PLSCR4: variants seen among roughly 807,000 people sequenced by gnomAD.
The protein encoded by PLSCR4 is phospholipid scramblase 4.
PLSCR4 carries 25 observed loss-of-function variants against 36.3 expected under a neutral mutation model. The observed-to-expected ratio is 0.69, with a 90% CI of 0.50 to 0.96. The LOEUF (loss-of-function observed/expected upper bound fraction) is 0.96, where lower values mean the gene tolerates loss of function less well. PLSCR4 is among the 40% of genes least tolerant of loss of function. The probability of loss-of-function intolerance (pLI) is 0.00; values close to 1 mark genes in which losing one functional copy is unlikely to be tolerated. For synonymous variants in PLSCR4, 122 were observed against 132.9 expected, an observed-to-expected ratio of 0.92 and a Z score of 0.56; for missense variants, 408 against 414.7, an observed-to-expected ratio of 0.98 and a Z score of 0.14.
chr3:146,206,520 GA>G lies in PLSCR4; in HGVS notation c.354+5del. ...TAAGAAAATAATTTGTATTTTCATG[GA>G]GTACCTGAACTAAGTATTCCAGACC... is the stretch of plus-strand genomic sequence containing the variant. On this transcript the variant is annotated splice_donor_5th_base_variant and intron_variant, in intron 4 of 8. Coordinates refer to ENST00000354952, the MANE Select transcript of PLSCR4 (RefSeq NM_020353.3). The G allele has an allele frequency of 6.4e-7, 1 of 1,574,532 alleles. No homozygotes were observed. Among genetic ancestry groups the G allele is most frequent in the African/African-American group, 1.3e-5 (1 of 74,124 alleles).
intron 3 of PLSCR4, among the ~76,000 whole-genome samples, chr3:146,219,950 A>C (rs1295976607): frequency 6.6e-6 from 1 of 151,810 alleles, no homozygotes; most frequent in Non-Finnish European, 1.5e-5. Flanking sequence ...CAAAAAAAAA[A>C]CTTTTGCCAT....
chr3:146,204,691 A>G (rs1402442679), intron 4 of PLSCR4, among the ~76,000 whole-genome samples: 2 of 152,034 alleles, frequency 1.3e-5, no homozygotes, highest in Non-Finnish European at 2.9e-5. Flanking sequence ...AAATTAAGAA[A>G]CAAGTTTTTA....
At chr3:146,210,156 GT>G (rs1293562105) in intron 3 of PLSCR4, among the ~76,000 whole-genome samples, 2 of 151,870 alleles carry the variant, frequency 1.3e-5, no homozygotes, top group African/African-American at 4.8e-5. Context: ...AATATAAATT[GT>G]TTTTGTGTTA....
At chr3:146,247,167 C>T (rs772217767) in intron 1 of PLSCR4, among the ~76,000 whole-genome samples, 1 of 152,068 alleles carries the variant, frequency 6.6e-6, no homozygotes, top group Non-Finnish European at 1.5e-5. Context: ...CAAGTTAAAT[C>T]GTTTCCAAAT....
intron 1 of PLSCR4, among the ~76,000 whole-genome samples, chr3:146,226,326 G>A (rs2035476150): frequency 6.6e-6 from 1 of 152,190 alleles, no homozygotes; most frequent in South Asian, 2.1e-4. Flanking sequence ...TATATGTTGA[G>A]TGTGACCTTC....
At chr3:146,198,878 A>C (rs2033887063) in intron 6 of PLSCR4, among the ~76,000 whole-genome samples, 1 of 152,182 alleles carries the variant, frequency 6.6e-6, no homozygotes, top group South Asian at 2.1e-4. Flanking sequence ...TGTTATCACA[A>C]AGACAATAAT....
intron 1 of PLSCR4, among the ~76,000 whole-genome samples, chr3:146,248,405 T>C (rs906495467): frequency 6.6e-6 from 1 of 152,134 alleles, no homozygotes; most frequent in African/African-American, 2.4e-5. Context: ...TTCGGCTGTG[T>C]GTAAAACATC....
At chr3:146,197,302 C>T (rs2033798499) in intron 6 of PLSCR4, among the ~76,000 whole-genome samples, 2 of 152,070 alleles carry the variant, frequency 1.3e-5, no homozygotes, top group South Asian at 4.1e-4. Context: ...AAAAGGCTTA[C>T]AATGAGGAAG....
chr3:146,236,465 A>C (rs2867081), intron 1 of PLSCR4, among the ~76,000 whole-genome samples: 116,365 of 152,024 alleles, frequency 0.77, 45,640 homozygotes, highest in Non-Finnish European at 0.86. Flanking sequence ...GAAATTTCAT[A>C]TTGAATTCCC....
rs773231472 is a variant in PLSCR4 at position 146,196,815 on chromosome 3, A to T, written c.625-22T>A. On this transcript the variant is annotated intron_variant, in intron 6 of 8. Coordinates refer to ENST00000354952, the MANE Select transcript of PLSCR4 (RefSeq NM_020353.3). ...CCAGCTGCAAACAAAACAGTGACAG[A>T]AGTTAGGATGCTACATGCATACACA... The T allele has an allele frequency of 2.5e-6, 4 of 1,611,472 alleles. No individual in the cohort carries two copies. In the South Asian group the frequency reaches 4.4e-5, roughly 18 times the overall value.
At chr3:146,201,099 A>G in intron 4 of PLSCR4, 22 bp from the exon 5 acceptor site, 1 of 1,490,000 alleles carries the variant, frequency 6.7e-7, no homozygotes, top group Non-Finnish European at 9.0e-7. Context: ...AAACAAAGCA[A>G]TCAGAAGACA....
intron 1 of PLSCR4, among the ~76,000 whole-genome samples, chr3:146,245,476 A>G (rs2036300054): frequency 6.6e-6 from 1 of 152,122 alleles, no homozygotes; most frequent in Non-Finnish European, 1.5e-5. Context: ...TTTTCACAGA[A>G]GGAATGCAAA....
chr3:146,195,114 G>A lies in PLSCR4; in HGVS notation c.945+10C>T, dbSNP rs1233057418. 1.2e-6 allele frequency: 2 copies of A among 1,612,332 alleles called. No homozygotes were observed. Among genetic ancestry groups the A allele is most frequent in the Non-Finnish European group, 8.5e-7 (1 of 1,178,868 alleles). ...ACTCTCTCAGGATAACTCAAAAATA[G>A]AAGGCTTACAATGAGGAAGCAAGCT... On this transcript the variant is annotated intron_variant, in intron 8 of 8. Coordinates refer to ENST00000354952, the MANE Select transcript of PLSCR4 (RefSeq NM_020353.3).
chr3:146,206,459 T>G, intron 4 of PLSCR4, 67 bp downstream of exon 4: 1 of 1,204,992 alleles, frequency 8.3e-7, no homozygotes, highest in Non-Finnish European at 1.2e-6. Context: ...GTCTGCTTTT[T>G]TTCTCTCTTT....
At position 146,220,850 on chromosome 3, in the gene PLSCR4, T is replaced by C; in HGVS notation, c.83A>G (p.Asp28Gly). ...ATGAGAATTGTATTCAGGAGGAGCA[T>C]CAGGCCTTGGATCTGGTGGTTTTGT... is the stretch of plus-strand genomic sequence containing the variant. ...NQTKPPDPRPDAPPEYNSHFL... is the reference protein window; with the variant it reads ...NQTKPPDPRPGAPPEYNSHFL... The change falls in exon 3 of 9, where the codon GAT (aspartate) becomes GGT (glycine). Residue 28 changes from aspartate to glycine, a missense_variant. Coordinates refer to ENST00000354952, the MANE Select transcript of PLSCR4 (RefSeq NM_020353.3). 6.2e-7 allele frequency: 1 copy of C among 1,613,066 alleles called. No homozygotes were observed. The highest frequency in any genetic ancestry group is 8.5e-7 in the Non-Finnish European group (1 of 1,179,142).
At chr3:146,241,408 A>C (rs900074867) in intron 1 of PLSCR4, among the ~76,000 whole-genome samples, 9 of 152,204 alleles carry the variant, frequency 5.9e-5, no homozygotes, top group Non-Finnish European at 1.2e-4. Flanking sequence ...TTTCAGAGCA[A>C]AGAAAATTAC....
At chr3:146,211,591 G>A (rs148339334) in intron 3 of PLSCR4, among the ~76,000 whole-genome samples, 2,035 of 152,134 alleles carry the variant, frequency 0.013, 31 homozygotes, top group African/African-American at 0.04. Context: ...GTGCTTTAGA[G>A]TGTCATATCA....
At chr3:146,224,821 T>C (rs989689426) in intron 1 of PLSCR4, among the ~76,000 whole-genome samples, 7 of 150,884 alleles carry the variant, frequency 4.6e-5, no homozygotes, top group Non-Finnish European at 1.0e-4. Flanking sequence ...CTGCGCTAGA[T>C]ACAAAGGTTC....
At chr3:146,204,220 T>C (rs77652194) in intron 4 of PLSCR4, among the ~76,000 whole-genome samples, 6,667 of 152,008 alleles carry the variant, frequency 0.044, 182 homozygotes, top group South Asian at 0.072. Flanking sequence ...TGTTTTAGGA[T>C]TCTTGGGAAC....
Sources: allele counts gnomAD v4.1 joint callset (sites outside exome capture counted in the v4.1 genomes callset), GRCh38; gene constraint gnomAD v4.1.1; transcripts MANE v1.5; gene names NCBI Gene and HGNC (gene_info 2026-07-23, HGNC 2026-07-21).